The following CTDSPL2 variants were observed in gnomAD, a reference collection of about 807,000 sequenced individuals.
CTDSPL2 encodes CTD small phosphatase-like protein 2.
Under a neutral mutation model 60.0 loss-of-function variants are expected in CTDSPL2, and 5 were observed. The ratio of observed to expected loss-of-function variants is 0.08; its 90% CI spans 0.04 to 0.18. The LOEUF (loss-of-function observed/expected upper bound fraction) is 0.18. CTDSPL2 is among the 10% of genes least tolerant of loss of function. The pLI, the probability that CTDSPL2 is intolerant of heterozygous loss-of-function variation, is 1.00. For missense variants in CTDSPL2, 370 were observed against 548.8 expected (o/e 0.67, Z 3.26); for synonymous variants, 186 against 189.3 (o/e 0.98, Z 0.14).
At chr15:44,479,088 A>C (rs972795564) in intron 2 of CTDSPL2, among the ~76,000 whole-genome samples, 7 of 152,108 alleles carry the variant, frequency 4.6e-5, no homozygotes, top group Admixed American at 6.5e-5. Context: ...AAAAAAAAAA[A>C]AACAAGTTTT....
At chr15:44,443,845 GC>G (rs2080144114) in intron 1 of CTDSPL2, among the ~76,000 whole-genome samples, 1 of 152,080 alleles carries the variant, frequency 6.6e-6, no homozygotes, top group African/African-American at 2.4e-5. Flanking sequence ...AGTATTTTCT[GC>G]CATTCCATGG....
rs1299584741 is a variant in CTDSPL2, at chr15:44,526,863, CA to C, written c.*2690del. On this transcript the variant is annotated 3_prime_UTR_variant, in exon 13 of 13. Coordinates refer to ENST00000260327, the MANE Select transcript of CTDSPL2 (RefSeq NM_016396.3). ...CAGGAGAGGTGGATACCTGATGAGA[CA>C]CAGCGAAAGTGACCTGTATACACAT... 6.6e-6 allele frequency: 1 copy of C among 152,526 alleles called. No homozygotes were observed. The highest frequency in any genetic ancestry group is 3.2e-3 in the Middle Eastern group (1 of 316). The allele number at this position is 152,526 out of a possible 1,614,324, so 9.4% of individuals were successfully genotyped here. A position where few individuals can be genotyped will look rare whatever the true frequency, so the allele number is the denominator to read the frequency against.
chr15:44,498,469 C>T (rs2081337416), intron 7 of CTDSPL2, among the ~76,000 whole-genome samples: 2 of 152,032 alleles, frequency 1.3e-5, no homozygotes, highest in Non-Finnish European at 2.9e-5. Context: ...GCGTGTAGTC[C>T]CAGCTACTCG....
chr15:44,527,712 C>T lies in CTDSPL2; in HGVS notation c.*3538C>T, dbSNP rs2081897228. ...TAAATTAACTTAGTTAATAGTTACC[C>T]ACCGAATAACTATGCCAAGCAACTA... On this transcript the variant is annotated 3_prime_UTR_variant, in exon 13 of 13. Transcript: ENST00000260327. The T allele has an allele frequency of 6.6e-6, 1 of 152,106 alleles. No homozygotes were observed. The highest frequency in any genetic ancestry group is 6.5e-5 in the Admixed American group (1 of 15,268). 9.4% of individuals were successfully genotyped at this position (152,106 alleles called of 1,614,324 possible).
intron 8 of CTDSPL2, among the ~76,000 whole-genome samples, chr15:44,511,183 C>A (rs1447454821): frequency 1.3e-5 from 2 of 152,324 alleles, no homozygotes; most frequent in Non-Finnish European, 2.9e-5. Flanking sequence ...TCAACAGTTA[C>A]TCTTTCCATT....
At chr15:44,482,325 A>C (rs1352893485) in intron 2 of CTDSPL2, among the ~76,000 whole-genome samples, 1 of 152,166 alleles carries the variant, frequency 6.6e-6, no homozygotes, top group South Asian at 2.1e-4. Flanking sequence ...TGTTAGTGCT[A>C]TGGTTACAAA....
At chr15:44,506,503 A>G (rs557678327) in intron 8 of CTDSPL2, among the ~76,000 whole-genome samples, 3 of 136,680 alleles carry the variant, frequency 2.2e-5, no homozygotes, top group Non-Finnish European at 4.5e-5. Context: ...TATAGCCTCT[A>G]TCTTCCAGGC....
chr15:44,462,729 C>T (rs1448922073), intron 2 of CTDSPL2, among the ~76,000 whole-genome samples: 1 of 109,896 alleles, frequency 9.1e-6, no homozygotes, highest in Non-Finnish European at 1.7e-5. Context: ...TTTTTTGAGA[C>T]GGAGTCTTGG....
At chr15:44,476,724 T>C (rs1405778977) in intron 2 of CTDSPL2, among the ~76,000 whole-genome samples, 1 of 152,194 alleles carries the variant, frequency 6.6e-6, no homozygotes. Context: ...GATAATATCA[T>C]CTTGGTTTGT....
intron 2 of CTDSPL2, 33 bp from the exon 3 acceptor site, chr15:44,484,191 C>T (rs1446555688): frequency 6.4e-7 from 1 of 1,561,622 alleles, no homozygotes; most frequent in Admixed American, 1.9e-5. Flanking sequence ...AATGATTGTG[C>T]TTAGTGTGTT....
intron 1 of CTDSPL2, chr15:44,449,057 T>G (rs1460317161): frequency 2.0e-4 from 63 of 318,412 alleles, no homozygotes; most frequent in Non-Finnish European, 1.2e-5. Context: ...TTGCTACAAA[T>G]ATTGTGCTTC....
chr15:44,488,711 CAA>C (rs2081164006), intron 4 of CTDSPL2, among the ~76,000 whole-genome samples: 1 of 152,066 alleles, frequency 6.6e-6, no homozygotes, highest in African/African-American at 2.4e-5. Flanking sequence ...CCCAGCTACT[CAA>C]GAGGCTGAGG....
At chr15:44,518,039 G>C (rs190395775) in intron 10 of CTDSPL2, among the ~76,000 whole-genome samples, 1 of 152,232 alleles carries the variant, frequency 6.6e-6, no homozygotes, top group Admixed American at 6.5e-5. Context: ...ATACCAACTG[G>C]CACTGATAAT....
intron 1 of CTDSPL2, among the ~76,000 whole-genome samples, chr15:44,449,984 G>A (rs932769857): frequency 3.6e-5 from 2 of 56,262 alleles, no homozygotes; most frequent in Non-Finnish European, 7.6e-5. Context: ...GAGCGAGTCT[G>A]TCTCAAAAAA....
chr15:44,524,416 T>A lies in CTDSPL2; in HGVS notation c.*242T>A. 1 of 461,220 alleles carries A rather than the reference T, an allele frequency of 2.2e-6. No individual in the cohort carries two copies. The highest frequency in any genetic ancestry group is 3.9e-6 in the Non-Finnish European group (1 of 258,218). The allele number at this position is 461,220 out of a possible 1,614,324, so 28.6% of individuals were successfully genotyped here. A position where few individuals can be genotyped will look rare whatever the true frequency, so the allele number is the denominator to read the frequency against. ...TAGAACTAGTGCAACTCCAGTGAAA[T>A]TTTTTATGTACAGGACATCTGCAGT... On this transcript the variant is annotated 3_prime_UTR_variant, in exon 13 of 13. Coordinates refer to ENST00000260327, the MANE Select transcript of CTDSPL2 (RefSeq NM_016396.3).
At chr15:44,514,562 GT>G (rs1257805639) in intron 8 of CTDSPL2, 35 bp from the exon 9 acceptor site, 1 of 1,279,476 alleles carries the variant, frequency 7.8e-7, no homozygotes, top group East Asian at 2.3e-5. Context: ...CCCATTGTAT[GT>G]TTATTTGCTG....
chr15:44,491,285 A>G (rs1339127257), intron 5 of CTDSPL2, among the ~76,000 whole-genome samples: 1 of 152,212 alleles, frequency 6.6e-6, no homozygotes, highest in Non-Finnish European at 1.5e-5. Flanking sequence ...ATATATGCTC[A>G]TGTTTATGAA....
chr15:44,480,668 A>C (rs908412272), intron 2 of CTDSPL2, among the ~76,000 whole-genome samples: 1 of 152,072 alleles, frequency 6.6e-6, no homozygotes, highest in African/African-American at 2.4e-5. Flanking sequence ...CCCTGTCTCT[A>C]CAAAAAATAA....
intron 6 of CTDSPL2, 28 bp from the exon 7 acceptor site, chr15:44,496,999 T>C (rs750785386): frequency 7.3e-7 from 1 of 1,376,264 alleles, no homozygotes; most frequent in South Asian, 1.2e-5. Context: ...AGTAAAATGT[T>C]GAAATTTTCT....
Sources: allele counts gnomAD v4.1 joint callset (sites outside exome capture counted in the v4.1 genomes callset), GRCh38; gene constraint gnomAD v4.1.1; transcripts MANE v1.5; gene names NCBI Gene and HGNC (gene_info 2026-07-23, HGNC 2026-07-21).